The following ARHGAP26 variants were observed in gnomAD, a reference collection of about 807,000 sequenced individuals.
ARHGAP26 encodes rho GTPase-activating protein 26.
Under a neutral mutation model 104.8 loss-of-function variants are expected in ARHGAP26, and 38 were observed. The ratio of observed to expected loss-of-function variants is 0.36; its 90% CI spans 0.28 to 0.48. ARHGAP26 has a LOEUF of 0.48. Ranked by LOEUF, ARHGAP26 falls within the 20% of genes least tolerant of loss-of-function variation. The probability of loss-of-function intolerance (pLI) is 0.99; values close to 1 mark genes in which losing one functional copy is unlikely to be tolerated. For missense variants in ARHGAP26, 704 were observed against 947.9 expected (o/e 0.74, Z 3.38); for synonymous variants, 341 against 340.0 (o/e 1.00, Z -0.03).
chr5:143,067,607 G>A (rs911894682), intron 17 of ARHGAP26, among the ~76,000 whole-genome samples: 22 of 152,124 alleles, frequency 1.4e-4, no homozygotes, highest in Non-Finnish European at 2.1e-4. Flanking sequence ...TTTATTTCGT[G>A]TTTCCAATTT....
intron 11 of ARHGAP26, among the ~76,000 whole-genome samples, chr5:142,989,957 T>C (rs180993141): frequency 4.7e-4 from 71 of 152,182 alleles, no homozygotes; most frequent in Middle Eastern, 3.4e-3. Flanking sequence ...TCGAGCAGTA[T>C]CTTTGTGGCT....
intron 21 of ARHGAP26, among the ~76,000 whole-genome samples, chr5:143,208,292 G>C (rs1203763423): frequency 6.6e-6 from 1 of 152,190 alleles, no homozygotes; most frequent in African/African-American, 2.4e-5. Context: ...CTTAGTCTCA[G>C]CTTTCAGACA....
intron 1 of ARHGAP26, among the ~76,000 whole-genome samples, chr5:142,843,205 G>C (rs1030540272): frequency 2.0e-5 from 3 of 152,162 alleles, no homozygotes; most frequent in African/African-American, 7.2e-5. Flanking sequence ...TGGATAGTTG[G>C]CTCTGGGACC....
At position 143,223,976 on chromosome 5, in the gene ARHGAP26, C is replaced by G. The variant is rs1267284548; in HGVS notation, c.*1530C>G. On this transcript the variant is annotated 3_prime_UTR_variant, in exon 23 of 23. Coordinates refer to ENST00000645722, the MANE Select transcript of ARHGAP26 (RefSeq NM_001135608.3). The stretch of plus-strand genomic sequence containing the variant: ...CTAGACAAACTACAAACCGATGGAC[C>G]GTCAAGCTCCCCAGGAGCCCCTTGG... The G allele has an allele frequency of 4.3e-6, 1 of 231,824 alleles. No homozygotes were observed. The highest frequency in any genetic ancestry group is 5.6e-5 in the Admixed American group (1 of 17,702). 14.4% of individuals were successfully genotyped at this position (231,824 alleles called of 1,614,324 possible). A position where few individuals can be genotyped will look rare whatever the true frequency, so the allele number is the denominator to read the frequency against.
intron 1 of ARHGAP26, 177 bp downstream of exon 1, chr5:142,771,092 G>A (rs1755096002): frequency 6.0e-6 from 8 of 1,342,938 alleles, no homozygotes; most frequent in Non-Finnish European, 7.7e-6. Context: ...GCAACCATCA[G>A]ATGAAGAGAG....
At chr5:143,182,463 C>G (rs1804524687) in intron 20 of ARHGAP26, among the ~76,000 whole-genome samples, 1 of 152,224 alleles carries the variant, frequency 6.6e-6, no homozygotes, top group Non-Finnish European at 1.5e-5. Context: ...TTGTGTATCA[C>G]AGGATTCTCA....
In ARHGAP26 at chr5:143,227,618, C is replaced by A; in HGVS notation, c.*5172C>A. 1 of 229,674 alleles carries A rather than the reference C, an allele frequency of 4.4e-6. No individual in the cohort carries two copies. The highest frequency in any genetic ancestry group is 8.6e-6 in the Non-Finnish European group (1 of 115,788). The allele number at this position is 229,674 out of a possible 1,614,324, so 14.2% of individuals were successfully genotyped here. On this transcript the variant is annotated 3_prime_UTR_variant, in exon 23 of 23. Transcript: ENST00000645722. ...ATAATTAGCTTTTTTTCTCCTGCCG[C>A]CTACAGTACCTGTCTAACTAAAGAG...
intron 1 of ARHGAP26, among the ~76,000 whole-genome samples, chr5:142,825,176 G>C (rs1766991671): frequency 6.6e-6 from 1 of 152,216 alleles, no homozygotes; most frequent in African/African-American, 2.4e-5. Flanking sequence ...TAGTTGTAAG[G>C]ATTTAAACCA....
intron 11 of ARHGAP26, among the ~76,000 whole-genome samples, chr5:143,012,576 T>TATATATACATATATATATATACATATA (rs1554195628): frequency 1.8e-5 from 1 of 57,030 alleles, no homozygotes; most frequent in Non-Finnish European, 5.2e-5. Context: ...TATATATATA[T>TATATATACATATATATATATACATATA]TATGATCAGG....
At chr5:143,044,554 G>A (rs534262733) in intron 14 of ARHGAP26, among the ~76,000 whole-genome samples, 6 of 149,886 alleles carry the variant, frequency 4.0e-5, no homozygotes, top group Admixed American at 1.3e-4. Context: ...CCTGGATCCT[G>A]TGCGTATGTT....
intron 14 of ARHGAP26, among the ~76,000 whole-genome samples, chr5:143,042,573 TGAATCAC>T (rs1190887211): frequency 1.3e-5 from 2 of 152,206 alleles, no homozygotes; most frequent in Non-Finnish European, 2.9e-5. Context: ...CCAGCCTCCA[TGAATCAC>T]ATGGACCTAA....
At position 142,963,198 on chromosome 5, in the gene ARHGAP26, A is replaced by ATGTGTGTGTGTGTGTG. The variant is rs1217350223; in HGVS notation, c.1107+31080_1107+31095dup. ...TATATATATATATATATATATATAT[A>ATGTGTGTGTGTGTGTG]TGTGTGTGTGTGTGTGTGTGTGCGC... On this transcript the variant is annotated intron_variant, in intron 11 of 22. Transcript: ENST00000645722. Among the ~76,000 whole-genome samples the ATGTGTGTGTGTGTGTG allele has an allele frequency of 2.5e-3, 248 of 98,204 alleles. 5 individuals carry two copies. The highest frequency in any genetic ancestry group is 0.013 in the African/African-American group (206 of 16,262). The allele number at this position is 98,204 out of a possible 152,430, so 64.4% of individuals were successfully genotyped here. A position where few individuals can be genotyped will look rare whatever the true frequency, so the allele number is the denominator to read the frequency against.
At chr5:142,780,976 C>T (rs1434337391) in intron 1 of ARHGAP26, among the ~76,000 whole-genome samples, 1 of 152,256 alleles carries the variant, frequency 6.6e-6, no homozygotes, top group Non-Finnish European at 1.5e-5. Flanking sequence ...TCTGCCATCT[C>T]TGTTCCAGCT....
chr5:143,210,672 A>G (rs902019595), intron 21 of ARHGAP26, among the ~76,000 whole-genome samples: 1 of 151,900 alleles, frequency 6.6e-6, no homozygotes, highest in Non-Finnish European at 1.5e-5. Context: ...TAAATGATCA[A>G]CCCCTTTCCA....
chr5:143,045,738 C>T (rs1784126766), intron 14 of ARHGAP26, among the ~76,000 whole-genome samples: 1 of 152,186 alleles, frequency 6.6e-6, no homozygotes, highest in Admixed American at 6.5e-5. Flanking sequence ...TGGCTCATGC[C>T]TATAATCCCA....
At chr5:142,921,932 A>G (rs573322874) in intron 10 of ARHGAP26, 1 of 152,228 alleles carries the variant, frequency 6.6e-6, no homozygotes, top group East Asian at 1.9e-4. Flanking sequence ...TTTGGTGGAT[A>G]TTCCTGTGAG....
At chr5:143,087,736 G>A (rs1790814442) in intron 17 of ARHGAP26, among the ~76,000 whole-genome samples, 1 of 126,182 alleles carries the variant, frequency 7.9e-6, no homozygotes, top group African/African-American at 2.9e-5. Context: ...CACAACCTCC[G>A]CCTCCCAGGT....
intron 11 of ARHGAP26, among the ~76,000 whole-genome samples, chr5:142,939,551 T>A (rs1216168610): frequency 6.6e-6 from 1 of 152,202 alleles, no homozygotes. Context: ...GGCAATTGCA[T>A]TGCATATGTT....
chr5:142,926,937 T>C (rs1763994860), intron 10 of ARHGAP26, among the ~76,000 whole-genome samples: 1 of 152,190 alleles, frequency 6.6e-6, no homozygotes, highest in African/African-American at 2.4e-5. Context: ...ACACTTCTCA[T>C]ATAACCTTCC....
Sources: allele counts gnomAD v4.1 joint callset (sites outside exome capture counted in the v4.1 genomes callset), GRCh38; gene constraint gnomAD v4.1.1; transcripts MANE v1.5; gene names NCBI Gene and HGNC (gene_info 2026-07-23, HGNC 2026-07-21).